Variants in DIPK2A observed in about 807,000 individuals in gnomAD.
DIPK2A encodes Golgi Protein of 49 kDa.
Under a neutral mutation model 39.0 loss-of-function variants are expected in DIPK2A, and 27 were observed. That is an observed-to-expected ratio of 0.69 (90% CI 0.51 to 0.96). DIPK2A has a LOEUF of 0.96. DIPK2A is among the 40% of genes least tolerant of loss of function. The probability of loss-of-function intolerance (pLI) is 0.00; values close to 1 mark genes in which losing one functional copy is unlikely to be tolerated. For missense variants in DIPK2A, 528 were observed against 571.3 expected (o/e 0.92, Z 0.77); for synonymous variants, 298 against 240.8 (o/e 1.24, Z -2.20).
At chr3:143,973,274 C>T (rs2087684674) in intron 1 of DIPK2A, 3 of 1,415,452 alleles carry the variant, frequency 2.1e-6, no homozygotes, top group South Asian at 2.5e-5. Flanking sequence ...CTTAACACTC[C>T]CCAAAATGTC....
intron 1 of DIPK2A, chr3:143,973,521 A>G: frequency 6.4e-7 from 1 of 1,551,574 alleles, no homozygotes; most frequent in Non-Finnish European, 8.7e-7. Flanking sequence ...ATTCGAGGAC[A>G]AGTTGGGGAG....
intron 1 of DIPK2A, among the ~76,000 whole-genome samples, chr3:143,976,851 A>C (rs2087737967): frequency 6.6e-6 from 1 of 152,056 alleles, no homozygotes. Flanking sequence ...GATATAATAC[A>C]TGCAAAGCAC....
At chr3:143,978,374 G>A (rs2087760098) in intron 1 of DIPK2A, 1 of 152,314 alleles carries the variant, frequency 6.6e-6, no homozygotes, top group Non-Finnish European at 1.5e-5. Context: ...TAAGGTGATA[G>A]GAAGTTGTCT....
chr3:143,973,459 G>T (rs1576804651), intron 1 of DIPK2A: 1 of 1,551,302 alleles, frequency 6.4e-7, no homozygotes, highest in Non-Finnish European at 8.7e-7. Context: ...CCTAACTTCG[G>T]TCTCAGAGTC....
chr3:143,978,261 A>T lies in DIPK2A; in HGVS notation c.657+5272A>T, dbSNP rs147765873. 3.2e-3 allele frequency among the ~76,000 whole-genome samples: 493 copies of T among 152,126 alleles called. 4 individuals are homozygous for T. Among genetic ancestry groups the T allele is most frequent in the African/African-American group, 0.011 (473 of 41,518 alleles). ...TCACTCATTACCCATATGTTAAATT[A>T]TGGCCTTATAATTTAAATCCTGCAT... is the stretch of plus-strand genomic sequence containing the variant. On this transcript the variant is annotated intron_variant, in intron 1 of 2. Coordinates refer to ENST00000315691, the MANE Select transcript of DIPK2A (RefSeq NM_173552.5).
rs1336465867 is a variant in DIPK2A at position 143,990,084 on chromosome 3, A to G, written c.*243A>G. ...CTTGAGCTGTCATCAGCTGCTCCCC[A>G]CTACCCCGGAATGCTTGAGTGGATT... On this transcript the variant is annotated 3_prime_UTR_variant, in exon 3 of 3. Transcript: ENST00000315691. 2 of 475,028 alleles carry G rather than the reference A, an allele frequency of 4.2e-6. No individual in the cohort carries two copies. The highest frequency in any genetic ancestry group is 3.8e-6 in the Non-Finnish European group (1 of 266,428). 29.4% of individuals were successfully genotyped at this position (475,028 alleles called of 1,614,324 possible).
At position 143,989,847 on chromosome 3, in the gene DIPK2A, G is replaced by A; in HGVS notation, c.*6G>A. Reference sequence around the variant, plus strand: ...TAAGTAACAACGTGAGGTAGTCTATGGTGAACTTTTCTTTTTTTCTCCATT... The same window carrying A: ...TAAGTAACAACGTGAGGTAGTCTATAGTGAACTTTTCTTTTTTTCTCCATT... On this transcript the variant is annotated 3_prime_UTR_variant, in exon 3 of 3. Transcript: ENST00000315691. The A allele has an allele frequency of 6.3e-7, 1 of 1,598,006 alleles. No homozygotes were observed. Among genetic ancestry groups the A allele is most frequent in the Non-Finnish European group, 8.6e-7 (1 of 1,169,056 alleles).
intron 2 of DIPK2A, chr3:143,986,071 A>T: frequency 1.9e-6 from 1 of 526,046 alleles, no homozygotes; most frequent in Non-Finnish European, 3.3e-6. Context: ...GTTATTTGAA[A>T]TATATCTAAC....
intron 2 of DIPK2A, among the ~76,000 whole-genome samples, chr3:143,987,247 G>T (rs1029271253): frequency 6.6e-6 from 1 of 152,052 alleles, no homozygotes; most frequent in Non-Finnish European, 1.5e-5. Context: ...TCATAGAGTT[G>T]TGCAATTTTC....
At chr3:143,973,583 G>T (rs1488477855) in intron 1 of DIPK2A, 71 of 1,516,444 alleles carry the variant, frequency 4.7e-5, no homozygotes, top group Non-Finnish European at 6.1e-5. Flanking sequence ...TCTGTGAGCC[G>T]AGCTTTGGGT....
intron 1 of DIPK2A, chr3:143,978,529 A>T (rs1163635350): frequency 1.3e-5 from 2 of 151,746 alleles, no homozygotes; most frequent in Admixed American, 6.6e-5. Flanking sequence ...GGAGGTAGGT[A>T]CACAAATAAC....
At chr3:143,979,739 A>G (rs2087801499) in intron 1 of DIPK2A, among the ~76,000 whole-genome samples, 1 of 152,152 alleles carries the variant, frequency 6.6e-6, no homozygotes, top group Non-Finnish European at 1.5e-5. Context: ...TTATTCTAAA[A>G]GATAATCTAT....
chr3:143,974,124 T>G (rs978121024), intron 1 of DIPK2A, among the ~76,000 whole-genome samples: 5 of 151,918 alleles, frequency 3.3e-5, no homozygotes, highest in African/African-American at 1.2e-4. Flanking sequence ...TACAGGGTTT[T>G]TTTTTTTTTT....
At chr3:143,984,960 AG>A (rs1317155864) in intron 1 of DIPK2A, among the ~76,000 whole-genome samples, 3 of 152,192 alleles carry the variant, frequency 2.0e-5, no homozygotes, top group Non-Finnish European at 2.9e-5. Context: ...TGACTAGGAA[AG>A]GCCCCTACTA....
chr3:143,976,705 G>A (rs1306375569), intron 1 of DIPK2A, among the ~76,000 whole-genome samples: 1 of 151,884 alleles, frequency 6.6e-6, no homozygotes, highest in Non-Finnish European at 1.5e-5. Context: ...GGACGAGCTG[G>A]GAATGTTACT....
intron 1 of DIPK2A, among the ~76,000 whole-genome samples, chr3:143,983,336 A>G (rs1417775274): frequency 6.6e-6 from 1 of 152,210 alleles, no homozygotes; most frequent in Non-Finnish European, 1.5e-5. Flanking sequence ...AATGCAAAAG[A>G]AAATCATAAC....
rs896012008 is a variant in DIPK2A at position 143,973,093 on chromosome 3, G to T, written c.657+104G>T. ...AGCGCTTGCCGCCAGTTCGGACTCGGCCGGGCTGGGCCAGGCTGCAGGCGT... is the reference window on the plus strand; with the variant it reads ...AGCGCTTGCCGCCAGTTCGGACTCGTCCGGGCTGGGCCAGGCTGCAGGCGT... On this transcript the variant is annotated intron_variant, in intron 1 of 2. Transcript: ENST00000315691. 3.6e-6 allele frequency: 5 copies of T among 1,406,606 alleles called. No individual in the cohort carries two copies. In the African/African-American group the frequency reaches 7.1e-5, roughly 20 times the overall value. The allele number at this position is 1,406,606 out of a possible 1,614,324, so 87.1% of individuals were successfully genotyped here.
chr3:143,982,439 A>G (rs1017160902), intron 1 of DIPK2A, among the ~76,000 whole-genome samples: 3 of 152,216 alleles, frequency 2.0e-5, no homozygotes, highest in African/African-American at 7.2e-5. Flanking sequence ...AGTGGGGACC[A>G]ATATTCAACA....
chr3:143,978,616 C>CTATATAGATATATATATA (rs59804208), intron 1 of DIPK2A: 13 of 126,166 alleles, frequency 1.0e-4, no homozygotes, highest in African/African-American at 3.7e-4. Flanking sequence ...ATATATATAT[C>CTATATAGATATATATATA]TATATCTATA....
Sources: gnomAD v4.1 joint callset for allele counts (sites outside exome capture counted in the v4.1 genomes callset) on GRCh38, gnomAD v4.1.1 for gene constraint, MANE v1.5 for transcripts, NCBI Gene and HGNC (gene_info 2026-07-23, HGNC 2026-07-21) for gene names.